CSMD3: variants seen among roughly 807,000 people sequenced by gnomAD.
The protein encoded by CSMD3 is CUB and Sushi multiple domains 3.
In CSMD3, 177 loss-of-function variants were observed where a neutral mutation model predicts 435.2. The ratio of observed to expected loss-of-function variants is 0.41; its 90% CI spans 0.36 to 0.46. The LOEUF (loss-of-function observed/expected upper bound fraction) is 0.46, where lower values mean the gene tolerates loss of function less well. CSMD3 is among the 20% of genes least tolerant of loss of function. The pLI, the probability that CSMD3 is intolerant of heterozygous loss-of-function variation, is 0.34. For synonymous variants in CSMD3, 1,656 were observed against 1,520.5 expected (o/e 1.09, Z -2.07); for missense variants, 4,265 against 4,504.6 (o/e 0.95, Z 1.52).
At chr8:113,183,192 T>TCTC (rs1245626153) in intron 3 of CSMD3, among the ~76,000 whole-genome samples, 1 of 152,014 alleles carries the variant, frequency 6.6e-6, no homozygotes, top group African/African-American at 2.4e-5. Context: ...GTGGTAAAAT[T>TCTC]TGAAGTGGGT....
intron 16 of CSMD3, among the ~76,000 whole-genome samples, chr8:112,672,618 C>T (rs1157538033): frequency 6.6e-6 from 1 of 151,998 alleles, no homozygotes; most frequent in Admixed American, 6.6e-5. Flanking sequence ...TCTCAGTTTT[C>T]TGGGATGAGG....
chr8:113,131,806 G>A (rs1323155226), intron 4 of CSMD3, among the ~76,000 whole-genome samples: 2 of 152,188 alleles, frequency 1.3e-5, no homozygotes, highest in African/African-American at 4.8e-5. Context: ...CATGAAAGCA[G>A]TCGTGGGGGC....
At chr8:112,452,163 A>C (rs1816356460) in intron 32 of CSMD3, among the ~76,000 whole-genome samples, 1 of 152,224 alleles carries the variant, frequency 6.6e-6, no homozygotes, top group Non-Finnish European at 1.5e-5. Flanking sequence ...AAATCTTAGC[A>C]AACTACAAAA....
At chr8:112,866,669 CTTCT>C (rs2080994018) in intron 10 of CSMD3, among the ~76,000 whole-genome samples, 2 of 152,164 alleles carry the variant, frequency 1.3e-5, no homozygotes, top group South Asian at 2.1e-4. Flanking sequence ...TTTACAGTGG[CTTCT>C]TTGTTTATTA....
intron 24 of CSMD3, among the ~76,000 whole-genome samples, chr8:112,560,675 G>A (rs1356986749): frequency 6.6e-6 from 1 of 151,598 alleles, no homozygotes; most frequent in Non-Finnish European, 1.5e-5. Flanking sequence ...ATAATGAAAT[G>A]CAATGAAAAA....
At chr8:112,987,356 G>A (rs2085292145) in intron 6 of CSMD3, among the ~76,000 whole-genome samples, 1 of 152,050 alleles carries the variant, frequency 6.6e-6, no homozygotes, top group South Asian at 2.1e-4. Flanking sequence ...CTGAAGAGAT[G>A]ATTAAGACAC....
intron 28 of CSMD3, among the ~76,000 whole-genome samples, chr8:112,514,896 C>CT (rs1011157308): frequency 7.4e-4 from 111 of 150,928 alleles, no homozygotes; most frequent in African/African-American, 2.4e-3. Flanking sequence ...ATTTTTCAGA[C>CT]TTTTTTTTTA....
rs1812293357 is a variant in CSMD3 at position 112,223,072 on chromosome 8, G to T, written c.*1699C>A. 1 of 398,418 alleles carries T rather than the reference G, an allele frequency of 2.5e-6. No homozygotes were observed. The highest frequency in any genetic ancestry group is 2.1e-5 in the African/African-American group (1 of 48,604). The allele number at this position is 398,418 out of a possible 1,614,324, so 24.7% of individuals were successfully genotyped here. On this transcript the variant is annotated 3_prime_UTR_variant, in exon 71 of 71. Transcript: ENST00000297405. ...ATAAGAGGAGTAGCCAGTTGCAGAA[G>T]AAACATTGTTTAAACAAGATCTTAA...
At chr8:113,153,077 AAAG>A (rs1350660136) in intron 4 of CSMD3, among the ~76,000 whole-genome samples, 3 of 60,714 alleles carry the variant, frequency 4.9e-5, no homozygotes, top group Non-Finnish European at 8.1e-5. Context: ...AAAGAAAGAA[AAAG>A]AAAGAAAGAA....
chr8:112,359,907 TA>T (rs1157111845), intron 38 of CSMD3, among the ~76,000 whole-genome samples: 15 of 152,166 alleles, frequency 9.9e-5, no homozygotes, highest in African/African-American at 3.6e-4. Context: ...TTTAAATGTT[TA>T]AGGGTTTACA....
At chr8:113,377,335 A>G (rs1199832882) in intron 1 of CSMD3, 1 of 187,308 alleles carries the variant, frequency 5.3e-6, no homozygotes, top group Non-Finnish European at 1.1e-5. Context: ...TTTTTAAAAT[A>G]CAGAAAAGAA....
intron 22 of CSMD3, among the ~76,000 whole-genome samples, chr8:112,588,128 C>T (rs1216806070): frequency 6.6e-6 from 1 of 150,428 alleles, no homozygotes; most frequent in East Asian, 1.9e-4. Flanking sequence ...TTCATATTAC[C>T]AAACCATAGG....
chr8:113,219,278 G>C (rs2092940866), intron 3 of CSMD3, among the ~76,000 whole-genome samples: 1 of 151,130 alleles, frequency 6.6e-6, no homozygotes, highest in Non-Finnish European at 1.5e-5. Flanking sequence ...ATAGAGAAGA[G>C]AAGTAAAACT....
intron 67 of CSMD3, among the ~76,000 whole-genome samples, chr8:112,235,426 CA>C (rs1813478226): frequency 6.6e-6 from 1 of 151,664 alleles, no homozygotes; most frequent in Non-Finnish European, 1.5e-5. Flanking sequence ...ACAACAACAA[CA>C]ACAACAAAAA....
chr8:113,236,816 T>G (rs1165744601), intron 3 of CSMD3, among the ~76,000 whole-genome samples: 4 of 152,138 alleles, frequency 2.6e-5, no homozygotes, highest in Non-Finnish European at 4.4e-5. Context: ...TATCTATCTA[T>G]CTATCTCTCT....
At chr8:113,065,316 A>C (rs1213030532) in intron 5 of CSMD3, among the ~76,000 whole-genome samples, 5 of 152,196 alleles carry the variant, frequency 3.3e-5, no homozygotes, top group African/African-American at 1.2e-4. Flanking sequence ...AAGTACATGA[A>C]AAAGCTGTTT....
chr8:113,383,222 A>T (rs927130123), intron 1 of CSMD3, among the ~76,000 whole-genome samples: 1 of 152,132 alleles, frequency 6.6e-6, no homozygotes, highest in Non-Finnish European at 1.5e-5. Flanking sequence ...AGGAAAGTTG[A>T]TGCATAAAAG....
chr8:113,432,850 G>C (rs1446925900), intron 1 of CSMD3, among the ~76,000 whole-genome samples: 1 of 152,178 alleles, frequency 6.6e-6, no homozygotes, highest in Non-Finnish European at 1.5e-5. Flanking sequence ...CCCGCCAGGC[G>C]TTTCCGCCTA....
chr8:112,836,012 A>T (rs2080013466), intron 11 of CSMD3, among the ~76,000 whole-genome samples: 1 of 151,640 alleles, frequency 6.6e-6, no homozygotes, highest in South Asian at 2.1e-4. Context: ...GAGTTACCCT[A>T]TTTGTTTTCT....
Sources: gnomAD v4.1 joint callset for allele counts (sites outside exome capture counted in the v4.1 genomes callset) on GRCh38, gnomAD v4.1.1 for gene constraint, MANE v1.5 for transcripts, NCBI Gene and HGNC (gene_info 2026-07-23, HGNC 2026-07-21) for gene names.